Variants in TAF1 observed in about 807,000 individuals in gnomAD.
TAF1 encodes the protein transcription initiation factor TFIID subunit 1.
In TAF1, 2 loss-of-function variants were observed where a neutral mutation model predicts 138.5. The ratio of observed to expected loss-of-function variants is 0.01; its 90% CI spans 0.01 to 0.05. The LOEUF is 0.05. Ranked by LOEUF, TAF1 falls within the 10% of genes least tolerant of loss-of-function variation. The probability of loss-of-function intolerance (pLI) is 1.00; values close to 1 mark genes in which losing one functional copy is unlikely to be tolerated. For missense variants in TAF1, 709 were observed against 1,478.0 expected (o/e 0.48, Z 8.53); for synonymous variants, 437 against 503.2 (o/e 0.87, Z 1.76).
chrX:71,529,037 T>C (rs2040052906), intron 14 of TAF1, among the ~76,000 whole-genome samples: 1 of 111,004 alleles, frequency 9.0e-6, no homozygotes, highest in South Asian at 3.8e-4. Flanking sequence ...TTTACAATCC[T>C]TTAGCTAGAA....
At chrX:71,376,828 G>T in intron 4 of TAF1, 122 bp from the exon 5 acceptor site, 1 of 983,055 alleles carries the variant, frequency 1.0e-6, no homozygotes, top group Non-Finnish European at 1.4e-6. Flanking sequence ...ATTATGATTT[G>T]GGTGCTTGGG....
At chrX:71,374,555 C>T (rs1237821206) in intron 3 of TAF1, among the ~76,000 whole-genome samples, 13 of 110,524 alleles carry the variant, frequency 1.2e-4, no homozygotes. Context: ...CAAACTGTCT[C>T]CCGACCTCAG....
intron 13 of TAF1, among the ~76,000 whole-genome samples, chrX:71,508,086 C>CTCTCTCTCTCTCTCTCTATATATATA (rs4040068): frequency 1.1e-5 from 1 of 92,199 alleles, no homozygotes; most frequent in South Asian, 4.9e-4. Context: ...CTCTCTCTCT[C>CTCTCTCTCTCTCTCTCTATATATATA]TATATATATA....
intron 35 of TAF1, among the ~76,000 whole-genome samples, chrX:71,458,927 G>A (rs2038424446): frequency 9.0e-6 from 1 of 111,100 alleles, no homozygotes; most frequent in South Asian, 3.8e-4. Flanking sequence ...AATACAGTAA[G>A]AGTAGACTAA....
Position 71,381,275 on chromosome X carries a change from A to AT in TAF1, c.1361-462dup, listed in dbSNP as rs772064231. On this transcript the variant is annotated intron_variant, in intron 8 of 37. Transcript: ENST00000423759. The stretch of plus-strand genomic sequence containing the variant: ...ACTGCAACATTATTTTTATTTATTT[A>AT]TTTTTTGAGACAGAATTTCACTCTT... Among the ~76,000 whole-genome samples, 688 of 111,757 alleles carry AT rather than the reference A, an allele frequency of 6.2e-3. 2 individuals are homozygous for AT. Among genetic ancestry groups the AT allele is most frequent in the Non-Finnish European group, 9.3e-3 (492 of 53,099 alleles).
chrX:71,495,541 A>C (rs758666289), intron 13 of TAF1, among the ~76,000 whole-genome samples: 101 of 111,243 alleles, frequency 9.1e-4, no homozygotes, highest in African/African-American at 3.1e-3. Context: ...TAAAAACAAC[A>C]CTCTTCCCCT....
In TAF1 at chrX:71,423,959, C is replaced by G. The variant is rs2148610993; in HGVS notation, c.4576-15C>G. The G allele has an allele frequency of 2.6e-6, 3 of 1,162,562 alleles. No homozygotes were observed. In the East Asian group the frequency reaches 9.0e-5, roughly 35 times the overall value. On this transcript the variant is annotated splice_polypyrimidine_tract_variant and intron_variant, in intron 30 of 37. Transcript: ENST00000423759. Reference sequence around the variant, plus strand: ...AGTGGTTTCCATTTAATTTCTTATGCTTTCTATTTACTAGTCTTGGCCATT... The same window carrying G: ...AGTGGTTTCCATTTAATTTCTTATGGTTTCTATTTACTAGTCTTGGCCATT...
intron 32 of TAF1, 98 bp downstream of exon 32, chrX:71,424,336 T>A: frequency 1.6e-6 from 1 of 631,113 alleles, no homozygotes; most frequent in Non-Finnish European, 2.3e-6. Flanking sequence ...TGAGACAGGA[T>A]CTTGCTCTCT....
intron 22 of TAF1, 120 bp downstream of exon 22, chrX:71,394,365 A>G: frequency 2.2e-6 from 2 of 904,490 alleles, no homozygotes; most frequent in East Asian, 3.4e-5. Context: ...TGCATGTAGA[A>G]AAGTCTGTGA....
At chrX:71,407,494 A>G (rs1250025728) in intron 26 of TAF1, 80 bp from the exon 27 acceptor site, 25 of 906,073 alleles carry the variant, frequency 2.8e-5, no homozygotes, top group Non-Finnish European at 3.8e-5. Context: ...CTGGGATTAC[A>G]GGTGTGAGCT....
chrX:71,420,074 CT>C, intron 28 of TAF1: 10 of 334,759 alleles, frequency 3.0e-5, no homozygotes, highest in Non-Finnish European at 3.2e-5. Flanking sequence ...CCTCCTCATA[CT>C]TTTTTTAGTA....
chrX:71,471,360 C>G (rs2038884789), intron 13 of TAF1, among the ~76,000 whole-genome samples: 1 of 106,173 alleles, frequency 9.4e-6, no homozygotes, highest in Non-Finnish European at 1.9e-5. Context: ...CACACACACA[C>G]ACACACACAC....
intron 20 of TAF1, 51 bp from the exon 21 acceptor site, chrX:71,393,224 TTGTGTGTGTGTGTGTGTGTGTGTGTG>T (rs201372159): frequency 4.2e-6 from 4 of 955,846 alleles, no homozygotes; most frequent in East Asian, 3.4e-5. Flanking sequence ...CCTGAATGAT[TTGTGTGTGTGTGTGTGTGTGTGTGTG>T]TGTGTGTGTG....
At chrX:71,400,321 C>T (rs1476850800) in intron 24 of TAF1, among the ~76,000 whole-genome samples, 1 of 111,368 alleles carries the variant, frequency 9.0e-6, no homozygotes, top group Admixed American at 9.7e-5. Context: ...AAACTCCTGG[C>T]TTCAAGTGAT....
At chrX:71,375,387 G>A in intron 4 of TAF1, 101 bp downstream of exon 4, 24 of 993,212 alleles carry the variant, frequency 2.4e-5, no homozygotes, top group South Asian at 6.8e-5. Flanking sequence ...TTATATGAAG[G>A]GACAAAACTT....
rs2033520564 is a variant in TAF1 at position 71,376,930 on chromosome X, G to A, written c.473-20G>A. On this transcript the variant is annotated intron_variant, in intron 4 of 37. Transcript: ENST00000423759. ...ATGTTCACAGTTACATGCCAAAGGG[G>A]TTTCTCTTCCTTGTTGCAGTGTCTG... 8.3e-7 allele frequency: 1 copy of A among 1,207,430 alleles called. No individual in the cohort carries two copies. The highest frequency in any genetic ancestry group is 1.8e-5 in the African/African-American group (1 of 57,055).
intron 32 of TAF1, among the ~76,000 whole-genome samples, chrX:71,437,156 G>A (rs1424007237): frequency 9.0e-6 from 1 of 110,646 alleles, no homozygotes; most frequent in Non-Finnish European, 1.9e-5. Flanking sequence ...TTTCATTGTC[G>A]ATATTCAATA....
chrX:71,495,327 G>A (rs1333845430), intron 13 of TAF1, among the ~76,000 whole-genome samples: 1 of 111,687 alleles, frequency 9.0e-6, no homozygotes, highest in Non-Finnish European at 1.9e-5. Context: ...GATCCTAGAG[G>A]AAACAAATTT....
chrX:71,409,113 G>T (rs2035635578), intron 28 of TAF1, among the ~76,000 whole-genome samples: 2 of 111,237 alleles, frequency 1.8e-5, no homozygotes, highest in East Asian at 5.6e-4. Flanking sequence ...CTTCGATTTG[G>T]TCTACAAATT....
Sources: gnomAD v4.1 joint callset for allele counts (sites outside exome capture counted in the v4.1 genomes callset) on GRCh38, gnomAD v4.1.1 for gene constraint, MANE v1.5 for transcripts, NCBI Gene and HGNC (gene_info 2026-07-23, HGNC 2026-07-21) for gene names.